The following CNTN1 variants were observed in gnomAD, a reference collection of about 807,000 sequenced individuals.
The protein encoded by CNTN1 is contactin 1.
In CNTN1, 38 loss-of-function variants were observed where a neutral mutation model predicts 126.4. That is an observed-to-expected ratio of 0.30 (90% CI 0.23 to 0.39). CNTN1 has a LOEUF of 0.39. CNTN1 is among the 10% of genes least tolerant of loss of function. The pLI, the probability that CNTN1 is intolerant of heterozygous loss-of-function variation, is 1.00. For synonymous variants in CNTN1, 413 were observed against 422.6 expected, an observed-to-expected ratio of 0.98 and a Z score of 0.28; for missense variants, 1,009 against 1,248.4, an observed-to-expected ratio of 0.81 and a Z score of 2.89.
intron 23 of CNTN1, among the ~76,000 whole-genome samples, chr12:41,037,052 T>C (rs1949283306): frequency 6.6e-6 from 1 of 152,222 alleles, no homozygotes; most frequent in Non-Finnish European, 1.5e-5. Flanking sequence ...CTATGTTTCA[T>C]GTTAAGAACT....
chr12:40,944,007 T>G lies in CNTN1; in HGVS notation c.1520T>G (p.Ile507Ser), dbSNP rs760908667. ...TAAAAATATATAGATCCTACGCGAA[T>G]TATATTGGCCCCAATTAATGCCGAT... ...GTLVITDPTR[I>S]ILAPINADIT... The change falls in exon 14 of 24, where the codon ATT (isoleucine) becomes AGT (serine). Residue 507 changes from isoleucine to serine, a missense_variant. Ile to Ser is a moderately radical substitution (Grantham distance 142). Transcript: ENST00000551295. 6.2e-7 allele frequency: 1 copy of G among 1,613,424 alleles called. No homozygotes were observed. Among genetic ancestry groups the G allele is most frequent in the Non-Finnish European group, 8.5e-7 (1 of 1,179,538 alleles).
At chr12:40,902,915 G>A (rs1260521011) in intron 1 of CNTN1, among the ~76,000 whole-genome samples, 1 of 152,154 alleles carries the variant, frequency 6.6e-6, no homozygotes, top group Non-Finnish European at 1.5e-5. Flanking sequence ...AAACCCTAGT[G>A]TTGTCTAAAG....
intron 3 of CNTN1, among the ~76,000 whole-genome samples, chr12:40,914,418 G>T (rs987922781): frequency 6.6e-6 from 1 of 152,100 alleles, no homozygotes; most frequent in Non-Finnish European, 1.5e-5. Flanking sequence ...TGCTTGTTTT[G>T]AGTAATGTTT....
intron 23 of CNTN1, among the ~76,000 whole-genome samples, chr12:41,062,787 C>A (rs963485964): frequency 1.3e-5 from 2 of 152,134 alleles, no homozygotes; most frequent in African/African-American, 4.8e-5. Context: ...GTAAAACATA[C>A]CTCTTCTTCT....
chr12:41,044,674 A>G (rs1047070107), intron 23 of CNTN1, among the ~76,000 whole-genome samples: 25 of 152,076 alleles, frequency 1.6e-4, no homozygotes, highest in African/African-American at 5.8e-4. Flanking sequence ...TAAAATTGGA[A>G]TCTAGCATGA....
chr12:41,048,839 G>A (rs34554849), intron 23 of CNTN1, among the ~76,000 whole-genome samples: 5,340 of 152,198 alleles, frequency 0.035, 125 homozygotes, highest in Middle Eastern at 0.11. Flanking sequence ...AGTAACTAAC[G>A]CATGTTCTAT....
chr12:40,881,905 C>T (rs1943881978), intron 1 of CNTN1, among the ~76,000 whole-genome samples: 1 of 151,648 alleles, frequency 6.6e-6, no homozygotes, highest in South Asian at 2.1e-4. Flanking sequence ...ACCATTTTGC[C>T]CTCTTTGTAA....
intron 23 of CNTN1, among the ~76,000 whole-genome samples, chr12:41,041,591 G>A (rs1203529110): frequency 1.3e-5 from 2 of 152,162 alleles, no homozygotes; most frequent in Non-Finnish European, 2.9e-5. Flanking sequence ...CACAATTTCA[G>A]AGCCTGTTAT....
At chr12:40,755,020 G>A (rs982001875) in intron 1 of CNTN1, among the ~76,000 whole-genome samples, 9 of 151,560 alleles carry the variant, frequency 5.9e-5, no homozygotes, top group African/African-American at 2.2e-4. Context: ...GTGAGACTCT[G>A]CCTCTACAAA....
intron 1 of CNTN1, among the ~76,000 whole-genome samples, chr12:40,747,676 A>G (rs1938239492): frequency 6.6e-6 from 1 of 152,126 alleles, no homozygotes; most frequent in South Asian, 2.1e-4. Flanking sequence ...GAATCTAGTC[A>G]GGAAGATATT....
intron 1 of CNTN1, among the ~76,000 whole-genome samples, chr12:40,871,336 A>C (rs1178060362): frequency 6.6e-6 from 1 of 152,158 alleles, no homozygotes. Context: ...AATTGCAATA[A>C]GTTTTCATTG....
chr12:40,893,484 T>C (rs1237774118), intron 1 of CNTN1, among the ~76,000 whole-genome samples: 1 of 152,024 alleles, frequency 6.6e-6, no homozygotes, highest in Non-Finnish European at 1.5e-5. Context: ...CTGAAAACAC[T>C]CAGGAAGCAA....
At position 40,944,106 on chromosome 12, in the gene CNTN1, G is replaced by A. The variant is rs892518357; in HGVS notation, c.1619G>A (p.Trp540Ter). 6.2e-7 allele frequency: 1 copy of A among 1,613,390 alleles called. No individual in the cohort carries two copies. The highest frequency in any genetic ancestry group is 1.1e-5 in the South Asian group (1 of 91,062). ...CCTGCCTTGGATCTCACATTTGTTT[G>A]GTCCTTCAATGGCTATGTGATCGAT... ...FDPALDLTFV[W>*]SFNGYVIDFN... The change falls in exon 14 of 24, where the codon TGG becomes TAG. Residue 540 changes from tryptophan (W) to a stop codon, truncating the protein, a stop_gained. Transcript: ENST00000551295. LOFTEE classifies it high-confidence loss of function.
intron 1 of CNTN1, among the ~76,000 whole-genome samples, chr12:40,694,113 A>G (rs1485382262): frequency 6.6e-6 from 1 of 152,158 alleles, no homozygotes; most frequent in Non-Finnish European, 1.5e-5. Context: ...TGGTTTGGTT[A>G]TTTGGTAGTA....
chr12:40,887,863 G>A (rs373760057), intron 1 of CNTN1, among the ~76,000 whole-genome samples: 1 of 151,922 alleles, frequency 6.6e-6, no homozygotes, highest in Non-Finnish European at 1.5e-5. Flanking sequence ...TGTCCTTTGT[G>A]GGGACATGGA....
chr12:40,991,334 G>A (rs1948090109), intron 16 of CNTN1, among the ~76,000 whole-genome samples: 1 of 151,114 alleles, frequency 6.6e-6, no homozygotes, highest in Admixed American at 6.6e-5. Context: ...GAAAATTTAG[G>A]ATAATCCTAC....
intron 23 of CNTN1, among the ~76,000 whole-genome samples, chr12:41,045,327 G>A (rs1001969392): frequency 6.6e-5 from 10 of 152,078 alleles, no homozygotes; most frequent in Admixed American, 2.0e-4. Context: ...TATAGGCTGT[G>A]TTGAAATTTG....
intron 1 of CNTN1, among the ~76,000 whole-genome samples, chr12:40,723,952 T>C (rs763562608): frequency 6.6e-6 from 1 of 152,136 alleles, no homozygotes; most frequent in Non-Finnish European, 1.5e-5. Context: ...AAGAGAATTA[T>C]AAATTATAAA....
chr12:40,981,594 C>T (rs1264784544), intron 16 of CNTN1, among the ~76,000 whole-genome samples: 2 of 151,936 alleles, frequency 1.3e-5, no homozygotes, highest in African/African-American at 2.4e-5. Context: ...ATCTTTCAAC[C>T]TTTTTCTTTT....
Sources: allele counts gnomAD v4.1 joint callset (sites outside exome capture counted in the v4.1 genomes callset), GRCh38; gene constraint gnomAD v4.1.1; transcripts MANE v1.5; gene names NCBI Gene and HGNC (gene_info 2026-07-23, HGNC 2026-07-21).